The following SLC5A1 variants were observed in gnomAD, a reference collection of about 807,000 sequenced individuals.
The protein encoded by SLC5A1 is sodium/glucose cotransporter 1.
SLC5A1 carries 42 observed loss-of-function variants against 73.5 expected under a neutral mutation model. The observed-to-expected ratio is 0.57, with a 90% CI of 0.45 to 0.74. The LOEUF (loss-of-function observed/expected upper bound fraction) is 0.74. SLC5A1 is among the 30% of genes least tolerant of loss of function. SLC5A1 has a pLI of 0.00. For missense variants in SLC5A1, 634 were observed against 855.4 expected, an observed-to-expected ratio of 0.74 and a Z score of 3.23; for synonymous variants, 300 against 317.4, an observed-to-expected ratio of 0.95 and a Z score of 0.58.
chr22:32,069,126 A>G (rs2093978808), intron 5 of SLC5A1, among the ~76,000 whole-genome samples: 1 of 152,204 alleles, frequency 6.6e-6, no homozygotes, highest in African/African-American at 2.4e-5. Context: ...TATGCTGTCC[A>G]TGTCCATAAC....
chr22:32,083,752 G>T (rs2094003682), intron 7 of SLC5A1, among the ~76,000 whole-genome samples: 1 of 152,030 alleles, frequency 6.6e-6, no homozygotes, highest in African/African-American at 2.4e-5. Flanking sequence ...ATTATGGGAG[G>T]ATAGAAAGTA....
intron 9 of SLC5A1, 130 bp downstream of exon 9, chr22:32,085,165 G>C: frequency 2.7e-6 from 3 of 1,098,398 alleles, no homozygotes; most frequent in Non-Finnish European, 4.1e-6. Flanking sequence ...ACCCAGGCTG[G>C]AGTGCAGTGG....
At chr22:32,060,666 C>A (rs2093960994) in intron 2 of SLC5A1, among the ~76,000 whole-genome samples, 1 of 152,140 alleles carries the variant, frequency 6.6e-6, no homozygotes. Context: ...AATTACTGGG[C>A]TCAAGCGATC....
intron 2 of SLC5A1, chr22:32,059,172 A>G (rs1019514857): frequency 2.0e-6 from 2 of 984,640 alleles, no homozygotes; most frequent in Non-Finnish European, 2.4e-6. Flanking sequence ...CAGAAGTTAC[A>G]GTGAGCCGAG....
At chr22:32,079,006 T>TATTCCAGA (rs1245494551) in intron 5 of SLC5A1, among the ~76,000 whole-genome samples, 1 of 120,284 alleles carries the variant, frequency 8.3e-6, no homozygotes, top group African/African-American at 3.7e-5. Flanking sequence ...CTGTAGAAAA[T>TATTCCAGA]ATTCCAGAAA....
intron 1 of SLC5A1, among the ~76,000 whole-genome samples, chr22:32,048,466 A>G (rs1204748098): frequency 6.6e-6 from 1 of 152,200 alleles, no homozygotes; most frequent in Non-Finnish European, 1.5e-5. Flanking sequence ...TGCCTATGCA[A>G]TAAAGCCTGC....
At chr22:32,078,631 T>C (rs1223130196) in intron 5 of SLC5A1, among the ~76,000 whole-genome samples, 2 of 152,126 alleles carry the variant, frequency 1.3e-5, no homozygotes, top group Non-Finnish European at 2.9e-5. Context: ...ATTTTAAAAG[T>C]AAATTAAAAA....
chr22:32,105,643 C>T (rs117161237), intron 14 of SLC5A1, among the ~76,000 whole-genome samples: 6,855 of 152,234 alleles, frequency 0.045, 210 homozygotes, highest in Non-Finnish European at 0.071. Flanking sequence ...TTGACTATAG[C>T]CACCCTGTTG....
At chr22:32,085,188 T>C (rs776819065) in intron 9 of SLC5A1, among the ~76,000 whole-genome samples, 153 bp downstream of exon 9, 1 of 152,170 alleles carries the variant, frequency 6.6e-6, no homozygotes, top group Non-Finnish European at 1.5e-5. Context: ...TGATCATTGC[T>C]CACTGCAGTC....
intron 5 of SLC5A1, among the ~76,000 whole-genome samples, chr22:32,069,368 T>C (rs745411922): frequency 1.3e-4 from 20 of 152,120 alleles, no homozygotes; most frequent in African/African-American, 1.7e-4. Flanking sequence ...ATGGTGACTA[T>C]AGCTAATAAC....
intron 1 of SLC5A1, among the ~76,000 whole-genome samples, chr22:32,047,426 T>C (rs1569298156): frequency 8.5e-6 from 1 of 117,326 alleles, no homozygotes; most frequent in Non-Finnish European, 1.8e-5. Flanking sequence ...GAATGGCTTT[T>C]CCTTGGTCAG....
intron 2 of SLC5A1, among the ~76,000 whole-genome samples, chr22:32,056,460 A>G (rs1349699959): frequency 8.5e-5 from 10 of 117,744 alleles, no homozygotes; most frequent in Admixed American, 7.4e-4. Flanking sequence ...TTTTTTTAGC[A>G]TAAGTATGTC....
At chr22:32,060,144 T>TACACACAC (rs61064953) in intron 2 of SLC5A1, among the ~76,000 whole-genome samples, 38 of 125,152 alleles carry the variant, frequency 3.0e-4, no homozygotes, top group South Asian at 9.3e-4. Flanking sequence ...TATATACACA[T>TACACACAC]ACACACACAC....
At chr22:32,097,959 A>G (rs1359169312) in intron 11 of SLC5A1, among the ~76,000 whole-genome samples, 3 of 152,250 alleles carry the variant, frequency 2.0e-5, no homozygotes, top group Non-Finnish European at 1.5e-5. Context: ...GCACATTAAA[A>G]AAGTATTCAA....
intron 11 of SLC5A1, 105 bp downstream of exon 11, chr22:32,091,867 G>A: frequency 8.9e-7 from 1 of 1,117,914 alleles, no homozygotes; most frequent in Non-Finnish European, 1.3e-6. Flanking sequence ...GGGTAGAATG[G>A]GAATAATTTC....
chr22:32,108,088 G>T (rs886090116), intron 14 of SLC5A1, among the ~76,000 whole-genome samples: 2 of 151,518 alleles, frequency 1.3e-5, no homozygotes, highest in South Asian at 4.2e-4. Context: ...GTGACACAGA[G>T]AATTTCCTAA....
chr22:32,091,776 C>T lies in SLC5A1; in HGVS notation c.1280+14C>T, dbSNP rs1288419089. ...GATTGCCGGAAGGTAAATGCAGCTT[C>T]CCCCAAGCCACAAAAGCTTGAATGA... is the stretch of plus-strand genomic sequence containing the variant. On this transcript the variant is annotated intron_variant, in intron 11 of 14. Coordinates refer to ENST00000266088, the MANE Select transcript of SLC5A1 (RefSeq NM_000343.4). 9 of 1,613,328 alleles carry T rather than the reference C, an allele frequency of 5.6e-6. No individual in the cohort carries two copies. Among genetic ancestry groups the T allele is most frequent in the Non-Finnish European group, 7.6e-6 (9 of 1,179,724 alleles).
chr22:32,088,194 C>T (rs926004519), intron 10 of SLC5A1, among the ~76,000 whole-genome samples: 2 of 152,136 alleles, frequency 1.3e-5, no homozygotes, highest in Admixed American at 1.3e-4. Context: ...GCAGACCCTC[C>T]TAGTGAGGAC....
chr22:32,101,122 A>G (rs1441384246), intron 12 of SLC5A1, among the ~76,000 whole-genome samples: 2 of 152,164 alleles, frequency 1.3e-5, no homozygotes, highest in Non-Finnish European at 2.9e-5. Flanking sequence ...TGTGTGGGGG[A>G]TAGCTGATAA....
Sources: allele counts gnomAD v4.1 joint callset (sites outside exome capture counted in the v4.1 genomes callset), GRCh38; gene constraint gnomAD v4.1.1; transcripts MANE v1.5; gene names NCBI Gene and HGNC (gene_info 2026-07-23, HGNC 2026-07-21).